Variants in TSPAN9 observed in about 807,000 individuals in gnomAD.
TSPAN9 encodes the protein tetraspanin-9.
Under a neutral mutation model 31.0 loss-of-function variants are expected in TSPAN9, and 16 were observed. That is an observed-to-expected ratio of 0.52 (90% confidence interval 0.35 to 0.78). TSPAN9 has a LOEUF of 0.78. TSPAN9 is among the 30% of genes least tolerant of loss of function. TSPAN9 has a pLI of 0.01. For synonymous variants in TSPAN9, 145 were observed against 121.6 expected (o/e 1.19, Z -1.27); for missense variants, 272 against 312.5 (o/e 0.87, Z 0.98).
intron 3 of TSPAN9, among the ~76,000 whole-genome samples, chr12:3,232,024 T>C: frequency 6.6e-6 from 1 of 152,210 alleles, no homozygotes; most frequent in East Asian, 1.9e-4. Flanking sequence ...CTGTAGGGCC[T>C]TCACCACGGG....
intron 2 of TSPAN9, among the ~76,000 whole-genome samples, chr12:3,122,893 C>G (rs1438017458): frequency 6.6e-6 from 1 of 152,204 alleles, no homozygotes. Flanking sequence ...GGAGGGCTGC[C>G]AAAATGCCAA....
intron 3 of TSPAN9, among the ~76,000 whole-genome samples, chr12:3,203,209 C>CA (rs1345531524): frequency 6.6e-6 from 1 of 152,118 alleles, no homozygotes; most frequent in Non-Finnish European, 1.5e-5. Flanking sequence ...CTTTCTTCTC[C>CA]AGGATGAGCC....
intron 2 of TSPAN9, among the ~76,000 whole-genome samples, chr12:3,092,064 C>T (rs556515992): frequency 4.2e-4 from 64 of 152,314 alleles, no homozygotes; most frequent in African/African-American, 1.4e-3. Context: ...TCTGGCATCA[C>T]GGACAAGAAA....
At chr12:3,242,324 G>C (rs2098396989) in intron 3 of TSPAN9, among the ~76,000 whole-genome samples, 1 of 152,222 alleles carries the variant, frequency 6.6e-6, no homozygotes, top group Non-Finnish European at 1.5e-5. Flanking sequence ...GGCTGGTGTG[G>C]GTGTGGCCCA....
intron 2 of TSPAN9, among the ~76,000 whole-genome samples, chr12:3,183,467 C>T (rs2098359487): frequency 2.0e-5 from 3 of 152,168 alleles, no homozygotes. Flanking sequence ...CCCAGAGAGG[C>T]TCTAGTTTGG....
Position 3,187,934 on chromosome 12 carries a change from C to G in TSPAN9, c.-17-13243C>G, listed in dbSNP as rs2098362270. Reference sequence around the variant, plus strand: ...CATTTGATTGCTCTTTGCCCAGATGCAGATGGAGCGTTTGCTCTGTAATGC... The same window carrying G: ...CATTTGATTGCTCTTTGCCCAGATGGAGATGGAGCGTTTGCTCTGTAATGC... On this transcript the variant is annotated intron_variant, in intron 2 of 8. Coordinates refer to ENST00000011898, the MANE Select transcript of TSPAN9 (RefSeq NM_006675.5). The surrounding 1 kb of genome is among the most constrained non-coding windows in gnomAD (Gnocchi z 5.2). 6.6e-6 allele frequency among the ~76,000 whole-genome samples: 1 copy of G among 152,178 alleles called. No individual in the cohort carries two copies. Among genetic ancestry groups the G allele is most frequent in the Non-Finnish European group, 1.5e-5 (1 of 68,036 alleles).
intron 2 of TSPAN9, among the ~76,000 whole-genome samples, chr12:3,183,820 G>T (rs1459019978): frequency 6.6e-6 from 1 of 152,190 alleles, no homozygotes; most frequent in Admixed American, 6.5e-5. Context: ...TCGGTGATTG[G>T]CCTCAGGTGT....
At chr12:3,165,151 G>A (rs2098347634) in intron 2 of TSPAN9, among the ~76,000 whole-genome samples, 1 of 152,160 alleles carries the variant, frequency 6.6e-6, no homozygotes. Flanking sequence ...AGGAGGGGAA[G>A]TTCACTCACA....
intron 3 of TSPAN9, among the ~76,000 whole-genome samples, chr12:3,258,885 C>T (rs1206847034): frequency 2.6e-5 from 4 of 152,140 alleles, no homozygotes; most frequent in Non-Finnish European, 5.9e-5. Context: ...TACATTGCCC[C>T]CCACTGTCTC....
At chr12:3,145,926 C>G (rs1225720581) in intron 2 of TSPAN9, among the ~76,000 whole-genome samples, 1 of 152,242 alleles carries the variant, frequency 6.6e-6, no homozygotes, top group Non-Finnish European at 1.5e-5. Flanking sequence ...GGCCTCTTGG[C>G]AGGCAGAAGA....
At chr12:3,226,788 A>ATTTTT (rs2098388006) in intron 3 of TSPAN9, among the ~76,000 whole-genome samples, 1 of 9,848 alleles carries the variant, frequency 1.0e-4, no homozygotes, top group Non-Finnish European at 1.6e-4. Flanking sequence ...ATATATATAT[A>ATTTTT]TATATATTTT....
chr12:3,220,772 C>G (rs918762893), intron 3 of TSPAN9, among the ~76,000 whole-genome samples: 1 of 151,748 alleles, frequency 6.6e-6, no homozygotes, highest in African/African-American at 2.4e-5. Context: ...CACCACACCG[C>G]CCAGCACAGA....
intron 2 of TSPAN9, among the ~76,000 whole-genome samples, chr12:3,159,776 G>A (rs951254409): frequency 2.0e-5 from 3 of 152,188 alleles, no homozygotes; most frequent in Non-Finnish European, 4.4e-5. Flanking sequence ...ACGTGAAGAC[G>A]TAGGGAGAAG....
chr12:3,078,564 C>G (rs939169169), intron 1 of TSPAN9, among the ~76,000 whole-genome samples: 2 of 152,106 alleles, frequency 1.3e-5, no homozygotes, highest in African/African-American at 4.8e-5. Context: ...CAAACAATAG[C>G]CTGGACAAAT....
intron 3 of TSPAN9, among the ~76,000 whole-genome samples, chr12:3,268,469 C>CGTTCCTGCAGCCTGCCCTCTCTGT (rs1862586567): frequency 3.1e-5 from 3 of 95,802 alleles, no homozygotes; most frequent in Admixed American, 2.3e-4. Context: ...GCCCTCTGTG[C>CGTTCCTGCAGCCTGCCCTCTCTGT]GTTCCTGCAG....
At chr12:3,226,690 GTGTGTGTGTGTGTGTGTA>G (rs1565622255) in intron 3 of TSPAN9, among the ~76,000 whole-genome samples, 236 of 14,754 alleles carry the variant, frequency 0.016, 3 homozygotes, top group Middle Eastern at 0.11. Context: ...GTGTGTGTGT[GTGTGTGTGTGTGTGTGTA>G]TGTGTATGTA....
chr12:3,110,353 A>C (rs952141679), intron 2 of TSPAN9, among the ~76,000 whole-genome samples: 2 of 152,186 alleles, frequency 1.3e-5, no homozygotes, highest in Non-Finnish European at 2.9e-5. Context: ...TAGGATACTA[A>C]TTTACAAATT....
At chr12:3,132,194 C>T (rs1032466683) in intron 2 of TSPAN9, among the ~76,000 whole-genome samples, 5 of 152,276 alleles carry the variant, frequency 3.3e-5, no homozygotes, top group African/African-American at 2.4e-5. Flanking sequence ...GTTGTTTCCA[C>T]CTTTGGGCTG....
At chr12:3,242,619 C>T (rs61907355) in intron 3 of TSPAN9, among the ~76,000 whole-genome samples, 26,464 of 152,124 alleles carry the variant, frequency 0.17, 2,316 homozygotes, top group South Asian at 0.26. Context: ...CAGCTGACAG[C>T]TCAGGGCTGC....
Sources: allele counts gnomAD v4.1 joint callset (sites outside exome capture counted in the v4.1 genomes callset), GRCh38; gene constraint gnomAD v4.1.1; non-coding constraint Gnocchi (gnomAD v3.1); transcripts MANE v1.5; gene names NCBI Gene and HGNC (gene_info 2026-07-23, HGNC 2026-07-21).